KIRREL3: variants seen among roughly 807,000 people sequenced by gnomAD.
KIRREL3 encodes the protein kirre like nephrin family adhesion molecule 3, also known as kin of IRRE-like protein 3.
A neutral mutation model predicts 89.7 loss-of-function variants in KIRREL3; 36 were observed. That is an observed-to-expected ratio of 0.40 (90% CI 0.31 to 0.53). The LOEUF (loss-of-function observed/expected upper bound fraction) is 0.53. Ranked by LOEUF, KIRREL3 falls within the 20% of genes least tolerant of loss-of-function variation. The pLI, the probability that KIRREL3 is intolerant of heterozygous loss-of-function variation, is 0.49. For missense variants in KIRREL3, 864 were observed against 1,056.6 expected (o/e 0.82, Z 2.53); for synonymous variants, 445 against 441.4 (o/e 1.01, Z -0.10).
In KIRREL3 at chr11:126,431,882, A is replaced by C. The variant is rs530024627; in HGVS notation, c.1589-356T>G. ...GCACGATGGAGCTCTCTCTGGCATT[A>C]AACAGGAATGCTCTATCACACAGCG... On this transcript the variant is annotated intron_variant, in intron 13 of 16. Coordinates refer to ENST00000525144, the MANE Select transcript of KIRREL3 (RefSeq NM_032531.4). The surrounding 1 kb of genome is among the most constrained non-coding windows in gnomAD (Gnocchi z 7.1). 6.6e-5 allele frequency among the ~76,000 whole-genome samples: 10 copies of C among 152,338 alleles called. No individual in the cohort carries two copies. Among genetic ancestry groups the C allele is most frequent in the Admixed American group, 2.0e-4 (3 of 15,298 alleles).
intron 1 of KIRREL3, among the ~76,000 whole-genome samples, chr11:126,774,527 A>G (rs1287148165): frequency 1.3e-5 from 2 of 152,216 alleles, no homozygotes. Context: ...GACAGTGTGC[A>G]TGCCTTCACC....
Position 126,432,989 on chromosome 11 carries a change from C to T in KIRREL3, c.1589-1463G>A, listed in dbSNP as rs187994273. On this transcript the variant is annotated intron_variant, in intron 13 of 16. Transcript: ENST00000525144. The surrounding 1 kb of genome is among the most constrained non-coding windows in gnomAD (Gnocchi z 6.2). ...CGCCTCCTGGGTTCAAGCGATTCTC[C>T]TGCCTCAGTCTCCCGAATAGCTGGG... 2.0e-3 allele frequency among the ~76,000 whole-genome samples: 308 copies of T among 152,348 alleles called. 1 individual carries two copies. Among genetic ancestry groups the T allele is most frequent in the Non-Finnish European group, 3.4e-3 (232 of 68,036 alleles).
In KIRREL3 at chr11:126,820,593, C is replaced by A. The variant is rs192520537; in HGVS notation, c.55+179862G>T. On this transcript the variant is annotated intron_variant, in intron 1 of 16. Coordinates refer to ENST00000525144, the MANE Select transcript of KIRREL3 (RefSeq NM_032531.4). ...GCAGAAAAACTTAAAGCAGCTGGGGCAGACTTCATAGCAGGCAAGTTGTAG... is the reference window on the plus strand; with the variant it reads ...GCAGAAAAACTTAAAGCAGCTGGGGAAGACTTCATAGCAGGCAAGTTGTAG... Among the ~76,000 whole-genome samples the A allele has an allele frequency of 9.2e-4, 140 of 152,204 alleles. 2 individuals are homozygous for A. Among genetic ancestry groups the A allele is most frequent in the African/African-American group, 3.1e-3 (128 of 41,536 alleles).
Position 126,752,354 on chromosome 11 carries a change from A to G in KIRREL3, c.56-189442T>C, listed in dbSNP as rs1180810180. On this transcript the variant is annotated intron_variant, in intron 1 of 16. Coordinates refer to ENST00000525144, the MANE Select transcript of KIRREL3 (RefSeq NM_032531.4). The surrounding 1 kb of genome is among the most constrained non-coding windows in gnomAD (Gnocchi z 4.8). ...TCCTGAGAGTTGAAATGATGGCTTTAAAAAATGTCAGGATTAGTTGGGCAT... is the reference window on the plus strand; with the variant it reads ...TCCTGAGAGTTGAAATGATGGCTTTGAAAAATGTCAGGATTAGTTGGGCAT... Among the ~76,000 whole-genome samples, 1 of 149,330 alleles carries G rather than the reference A, an allele frequency of 6.7e-6. No homozygotes were observed. Among genetic ancestry groups the G allele is most frequent in the Non-Finnish European group, 1.5e-5 (1 of 67,984 alleles).
At chr11:126,506,756 T>C (rs968898290) in intron 4 of KIRREL3, among the ~76,000 whole-genome samples, 1 of 151,852 alleles carries the variant, frequency 6.6e-6, no homozygotes, top group African/African-American at 2.4e-5. Flanking sequence ...ACAGACTTGT[T>C]TGTGAATGTT....
chr11:127,000,571 G>C lies in KIRREL3; in HGVS notation c.-62C>G. ...TGGCTGTGGTTAGTTTCTCTTCCTT[G>C]GCGGCTCTCGGTGCTCAGCCTCCGC... On this transcript the variant is annotated 5_prime_UTR_variant, in exon 1 of 17. Coordinates refer to ENST00000525144, the MANE Select transcript of KIRREL3 (RefSeq NM_032531.4). This position sits in a 1 kb window ranked among gnomAD's most constrained non-coding sequence, Gnocchi z 7.1. 6.5e-7 allele frequency: 1 copy of C among 1,536,300 alleles called. No homozygotes were observed. The highest frequency in any genetic ancestry group is 1.7e-4 in the Middle Eastern group (1 of 5,902).
intron 1 of KIRREL3, among the ~76,000 whole-genome samples, chr11:126,998,920 T>A (rs986238214): frequency 4.5e-5 from 3 of 66,034 alleles, no homozygotes; most frequent in African/African-American, 1.2e-4. Flanking sequence ...AATGGGAGTG[T>A]GTGTGTGTGT....
chr11:126,967,137 A>G (rs900759035), intron 1 of KIRREL3, among the ~76,000 whole-genome samples: 4 of 152,192 alleles, frequency 2.6e-5, no homozygotes, highest in African/African-American at 9.7e-5. Context: ...CAACCTGACA[A>G]TAGCTTGAGT....
chr11:126,475,349 C>T lies in KIRREL3; in HGVS notation c.434-1883G>A, dbSNP rs141243226. Among the ~76,000 whole-genome samples the T allele has an allele frequency of 7.9e-3, 1,210 of 152,310 alleles. 16 individuals are homozygous for T. Among genetic ancestry groups the T allele is most frequent in the African/African-American group, 0.027 (1,139 of 41,566 alleles). On this transcript the variant is annotated intron_variant, in intron 4 of 16. Coordinates refer to ENST00000525144, the MANE Select transcript of KIRREL3 (RefSeq NM_032531.4). The surrounding 1 kb of genome is among the most constrained non-coding windows in gnomAD (Gnocchi z 7.5). ...CGTCAGCCCTTCTCCTAGTCCACTCCGGCTTCTGTGAAAGCTCCAGGAGGG... is the reference window on the plus strand; with the variant it reads ...CGTCAGCCCTTCTCCTAGTCCACTCTGGCTTCTGTGAAAGCTCCAGGAGGG...
chr11:126,889,140 C>G (rs549984971), intron 1 of KIRREL3, among the ~76,000 whole-genome samples: 1 of 152,172 alleles, frequency 6.6e-6, no homozygotes, highest in Non-Finnish European at 1.5e-5. Flanking sequence ...ACCATCACCA[C>G]GATCAGGACT....
chr11:126,498,197 G>A lies in KIRREL3; in HGVS notation c.433+23118C>T, dbSNP rs78945548. On this transcript the variant is annotated intron_variant, in intron 4 of 16. Transcript: ENST00000525144. This position sits in a 1 kb window ranked among gnomAD's most constrained non-coding sequence, Gnocchi z 4.3. ...GGTGGCCATCAAACCCCTAAAACCC[G>A]AGGAGGGGAAGAGAGGGGTAGCACA... 6.0e-3 allele frequency among the ~76,000 whole-genome samples: 909 copies of A among 152,320 alleles called. 12 individuals are homozygous for A. Among genetic ancestry groups the A allele is most frequent in the African/African-American group, 0.021 (874 of 41,562 alleles).
chr11:126,564,583 G>A lies in KIRREL3; in HGVS notation c.56-1671C>T, dbSNP rs138010925. Among the ~76,000 whole-genome samples, 492 of 152,280 alleles carry A rather than the reference G, an allele frequency of 3.2e-3. 2 individuals are homozygous for A. Among genetic ancestry groups the A allele is most frequent in the Non-Finnish European group, 5.3e-3 (358 of 68,014 alleles). ...TGGCGTCTGAAGGCTTAGCCAAACC[G>A]CCCTCACTTCAAACGGTCTTACATC... On this transcript the variant is annotated intron_variant, in intron 1 of 16. Coordinates refer to ENST00000525144, the MANE Select transcript of KIRREL3 (RefSeq NM_032531.4). The surrounding 1 kb of genome is among the most constrained non-coding windows in gnomAD (Gnocchi z 7.4).
intron 1 of KIRREL3, among the ~76,000 whole-genome samples, chr11:126,895,637 C>T (rs1565393948): frequency 1.3e-5 from 2 of 152,100 alleles, no homozygotes; most frequent in Admixed American, 6.5e-5. Context: ...GACATTAGTT[C>T]TAGGTCTTAG....
At chr11:126,534,540 G>T (rs1415859100) in intron 2 of KIRREL3, among the ~76,000 whole-genome samples, 1 of 152,224 alleles carries the variant, frequency 6.6e-6, no homozygotes, top group African/African-American at 2.4e-5. Flanking sequence ...CTGAGACAAA[G>T]CCCTTTGTCT....
At position 126,704,178 on chromosome 11, in the gene KIRREL3, T is replaced by C. The variant is rs996965306; in HGVS notation, c.56-141266A>G. Among the ~76,000 whole-genome samples the C allele has an allele frequency of 1.3e-5, 2 of 152,202 alleles. No individual in the cohort carries two copies. The highest frequency in any genetic ancestry group is 2.9e-5 in the Non-Finnish European group (2 of 68,026). Reference sequence around the variant, plus strand: ...ACACAATCTTGCACACACCCACACATTTGCACATGCCCATCCAGCTGAGCA... The same window carrying C: ...ACACAATCTTGCACACACCCACACACTTGCACATGCCCATCCAGCTGAGCA... On this transcript the variant is annotated intron_variant, in intron 1 of 16. Transcript: ENST00000525144. This position sits in a 1 kb window ranked among gnomAD's most constrained non-coding sequence, Gnocchi z 4.2.
chr11:126,863,174 G>C (rs7117799), intron 1 of KIRREL3, among the ~76,000 whole-genome samples: 2,035 of 152,338 alleles, frequency 0.013, 48 homozygotes, highest in African/African-American at 0.046. Flanking sequence ...AGGTGTTTCT[G>C]CAGCACCTGG....
Position 126,709,551 on chromosome 11 carries a change from G to C in KIRREL3, c.56-146639C>G, listed in dbSNP as rs933475353. Among the ~76,000 whole-genome samples, 1 of 152,172 alleles carries C rather than the reference G, an allele frequency of 6.6e-6. No individual in the cohort carries two copies. The highest frequency in any genetic ancestry group is 6.5e-5 in the Admixed American group (1 of 15,288). Reference sequence around the variant, plus strand: ...ATTTGGAGATAGGGTCTTTAAAAAGGTGATTAAGTTAAAATGAGGTCATTA... The same window carrying C: ...ATTTGGAGATAGGGTCTTTAAAAAGCTGATTAAGTTAAAATGAGGTCATTA... On this transcript the variant is annotated intron_variant, in intron 1 of 16. Transcript: ENST00000525144. This position sits in a 1 kb window ranked among gnomAD's most constrained non-coding sequence, Gnocchi z 4.0.
chr11:126,672,265 G>A (rs1457381540), intron 1 of KIRREL3, among the ~76,000 whole-genome samples: 1 of 152,188 alleles, frequency 6.6e-6, no homozygotes, highest in Non-Finnish European at 1.5e-5. Flanking sequence ...TGAGACTAGT[G>A]TGTATATAAA....
chr11:126,755,564 A>G lies in KIRREL3; in HGVS notation c.56-192652T>C, dbSNP rs1949465445. Among the ~76,000 whole-genome samples the G allele has an allele frequency of 6.6e-6, 1 of 152,132 alleles. No homozygotes were observed. The highest frequency in any genetic ancestry group is 1.5e-5 in the Non-Finnish European group (1 of 68,024). On this transcript the variant is annotated intron_variant, in intron 1 of 16. Transcript: ENST00000525144. The surrounding 1 kb of genome is among the most constrained non-coding windows in gnomAD (Gnocchi z 4.3). ...AAAAACAAAACAACAACAACAAAAG[A>G]AAAAACAGAAAAAAACAATAGGCCT...
Sources: gnomAD v4.1 joint callset for allele counts (sites outside exome capture counted in the v4.1 genomes callset) on GRCh38, gnomAD v4.1.1 for gene constraint, Gnocchi (gnomAD v3.1) non-coding constraint, MANE v1.5 for transcripts, NCBI Gene and HGNC (gene_info 2026-07-23, HGNC 2026-07-21) for gene names.